The following EXD2 variants were observed in gnomAD, a reference collection of about 807,000 sequenced individuals.
EXD2 encodes the protein exonuclease 3'-5' domain containing 2.
Under a neutral mutation model 62.5 loss-of-function variants are expected in EXD2, and 40 were observed. The observed-to-expected ratio is 0.64, with a 90% CI of 0.50 to 0.83. EXD2 has a LOEUF of 0.83. Ranked by LOEUF, EXD2 falls within the 40% of genes least tolerant of loss-of-function variation. EXD2 has a pLI of 0.00. For synonymous variants in EXD2, 239 were observed against 291.9 expected, an observed-to-expected ratio of 0.82 and a Z score of 1.85; for missense variants, 671 against 761.8, an observed-to-expected ratio of 0.88 and a Z score of 1.40.
At chr14:69,221,166 G>GC (rs1337911799) in intron 3 of EXD2, among the ~76,000 whole-genome samples, 3 of 152,190 alleles carry the variant, frequency 2.0e-5, no homozygotes, top group Non-Finnish European at 2.9e-5. Context: ...ACTGTGCTTG[G>GC]CCGTTGTCAG....
At chr14:69,222,710 T>A (rs2043228091) in intron 3 of EXD2, among the ~76,000 whole-genome samples, 1 of 152,142 alleles carries the variant, frequency 6.6e-6, no homozygotes. Context: ...TGCTTTTTTT[T>A]AATACATAGG....
At chr14:69,209,840 A>C (rs953856649) in intron 3 of EXD2, 37 bp downstream of exon 3, 21 of 1,406,388 alleles carry the variant, frequency 1.5e-5, no homozygotes, top group East Asian at 5.1e-5. Flanking sequence ...AAAAAAAAAA[A>C]AACAACTTCT....
chr14:69,241,128 G>A lies in EXD2; in HGVS notation c.*28G>A. The stretch of plus-strand genomic sequence containing the variant: ...GCTGCTTTCCTCCCAGTTAGGACAA[G>A]TGGGAAGCTGGAGCCAAGGTTGAAG... On this transcript the variant is annotated 3_prime_UTR_variant, in exon 10 of 10. Coordinates refer to ENST00000685843, the MANE Select transcript of EXD2 (RefSeq NM_001193360.2). The A allele has an allele frequency of 6.3e-7, 1 of 1,594,982 alleles. No individual in the cohort carries two copies. The highest frequency in any genetic ancestry group is 8.6e-7 in the Non-Finnish European group (1 of 1,167,330).
chr14:69,216,706 T>C (rs2042997210), intron 3 of EXD2, among the ~76,000 whole-genome samples: 2 of 152,200 alleles, frequency 1.3e-5, no homozygotes, highest in Admixed American at 1.3e-4. Context: ...TTCTTTATAT[T>C]ATTGAAGGGT....
At position 69,206,455 on chromosome 14, in the gene EXD2, C is replaced by CTTT. The variant is rs56333403; in HGVS notation, c.-48+2484_-48+2486dup. On this transcript the variant is annotated intron_variant, in intron 2 of 9. Coordinates refer to ENST00000685843, the MANE Select transcript of EXD2 (RefSeq NM_001193360.2). The stretch of plus-strand genomic sequence containing the variant: ...CCCAGCTTCATCTCCCACCCACCCA[C>CTTT]TTTTTTTTTTTTTTTTTTTTTTTTT... 1.3e-3 allele frequency among the ~76,000 whole-genome samples: 123 copies of CTTT among 94,628 alleles called. 7 individuals carry two copies. Among genetic ancestry groups the CTTT allele is most frequent in the African/African-American group, 4.6e-3 (103 of 22,168 alleles). 62.1% of individuals were successfully genotyped at this position (94,628 alleles called of 152,430 possible).
chr14:69,219,399 GA>G (rs770971973), intron 3 of EXD2, among the ~76,000 whole-genome samples: 3 of 152,178 alleles, frequency 2.0e-5, no homozygotes, highest in Non-Finnish European at 2.9e-5. Flanking sequence ...TTCTGTTGAT[GA>G]ACACTTAGGT....
At chr14:69,233,597 G>A (rs960775518) in intron 5 of EXD2, among the ~76,000 whole-genome samples, 26 of 150,636 alleles carry the variant, frequency 1.7e-4, no homozygotes, top group African/African-American at 5.9e-4. Flanking sequence ...GTGCCACCGC[G>A]CCCAGCTGAT....
chr14:69,231,124 A>AT (rs144706438), intron 5 of EXD2, among the ~76,000 whole-genome samples: 8,996 of 151,888 alleles, frequency 0.059, 877 homozygotes, highest in African/African-American at 0.21. Context: ...AGAAAAAGGG[A>AT]TTTTTTTTAT....
chr14:69,218,070 A>C (rs1215587063), intron 3 of EXD2, among the ~76,000 whole-genome samples: 2 of 152,222 alleles, frequency 1.3e-5, no homozygotes, highest in East Asian at 3.8e-4. Flanking sequence ...TGGCTGAGTC[A>C]AATGGTATTT....
In EXD2 at chr14:69,242,571, G is replaced by C. The variant is rs1200844855; in HGVS notation, c.*1471G>C. On this transcript the variant is annotated 3_prime_UTR_variant, in exon 10 of 10. Coordinates refer to ENST00000685843, the MANE Select transcript of EXD2 (RefSeq NM_001193360.2). ...CTCTTCTGACCCTTCATTCCCACTT[G>C]TCTTCAGGCAGGCATTTCTGGGATC... The C allele has an allele frequency of 6.6e-6, 1 of 152,266 alleles. No individual in the cohort carries two copies. The highest frequency in any genetic ancestry group is 2.4e-5 in the African/African-American group (1 of 41,416). 9.4% of individuals were successfully genotyped at this position (152,266 alleles called of 1,614,324 possible). A position where few individuals can be genotyped will look rare whatever the true frequency, so the allele number is the denominator to read the frequency against.
intron 3 of EXD2, among the ~76,000 whole-genome samples, chr14:69,212,325 C>G (rs1221141932): frequency 6.6e-6 from 1 of 151,936 alleles, no homozygotes; most frequent in Non-Finnish European, 1.5e-5. Flanking sequence ...TGCAGTGAGC[C>G]GAGATCACGC....
chr14:69,215,298 ATGTGTGTGTGTGTG>A (rs61469385), intron 3 of EXD2, among the ~76,000 whole-genome samples: 2 of 102,094 alleles, frequency 2.0e-5, no homozygotes, highest in Non-Finnish European at 4.7e-5. Flanking sequence ...TCAAAAATAT[ATGTGTGTGTGTGTG>A]TGTGTGTGTG....
At chr14:69,229,195 A>C in intron 4 of EXD2, 123 bp downstream of exon 4, 1 of 1,254,688 alleles carries the variant, frequency 8.0e-7, no homozygotes, top group Non-Finnish European at 1.1e-6. Context: ...GAGGCTTCTA[A>C]GATGCATATT....
At chr14:69,238,921 C>T (rs1205798856) in intron 9 of EXD2, among the ~76,000 whole-genome samples, 4 of 152,172 alleles carry the variant, frequency 2.6e-5, no homozygotes, top group Non-Finnish European at 5.9e-5. Context: ...AACCACTGTG[C>T]CTGGCCCCAA....
chr14:69,213,424 G>A (rs1168765873), intron 3 of EXD2, among the ~76,000 whole-genome samples: 1 of 132,386 alleles, frequency 7.6e-6, no homozygotes, highest in East Asian at 2.3e-4. Flanking sequence ...GCTTTGTTGT[G>A]CAGTTGTGTG....
At chr14:69,203,319 G>A (rs1475139160) in intron 1 of EXD2, among the ~76,000 whole-genome samples, 1 of 151,428 alleles carries the variant, frequency 6.6e-6, no homozygotes, top group African/African-American at 2.4e-5. Flanking sequence ...CAAGCAGTCC[G>A]CCTACCTCAG....
intron 3 of EXD2, among the ~76,000 whole-genome samples, chr14:69,218,418 C>G (rs1049191158): frequency 6.6e-6 from 1 of 152,014 alleles, no homozygotes; most frequent in South Asian, 2.1e-4. Flanking sequence ...TTTGTTGATT[C>G]TGGATATTAG....
At chr14:69,194,531 G>C (rs1202071951) in intron 1 of EXD2, among the ~76,000 whole-genome samples, 1 of 152,004 alleles carries the variant, frequency 6.6e-6, no homozygotes, top group Non-Finnish European at 1.5e-5. Context: ...TGTAGAGATA[G>C]AGATGAGTTT....
At chr14:69,229,234 G>T (rs963216736) in intron 4 of EXD2, among the ~76,000 whole-genome samples, 162 bp downstream of exon 4, 1 of 152,188 alleles carries the variant, frequency 6.6e-6, no homozygotes, top group African/African-American at 2.4e-5. Flanking sequence ...TCCACCTTCT[G>T]TGAAACTTTG....
Sources: gnomAD v4.1 joint callset for allele counts (sites outside exome capture counted in the v4.1 genomes callset) on GRCh38, gnomAD v4.1.1 for gene constraint, MANE v1.5 for transcripts, NCBI Gene and HGNC (gene_info 2026-07-23, HGNC 2026-07-21) for gene names.